Variants in BLNK observed in about 807,000 individuals in gnomAD.
The protein encoded by BLNK is B-cell linker protein.
In BLNK, 29 loss-of-function variants were observed where a neutral mutation model predicts 73.5. The observed-to-expected ratio is 0.39, with a 90% CI of 0.29 to 0.54. The LOEUF is 0.54. BLNK is among the 20% of genes least tolerant of loss of function. The pLI, the probability that BLNK is intolerant of heterozygous loss-of-function variation, is 0.61. For synonymous variants in BLNK, 176 were observed against 200.8 expected (o/e 0.88, Z 1.04); for missense variants, 460 against 562.8 (o/e 0.82, Z 1.85).
In BLNK at chr10:96,236,724, G is replaced by A. The variant is rs587727683; in HGVS notation, c.164-5890C>T. On this transcript the variant is annotated intron_variant, in intron 3 of 16. Coordinates refer to ENST00000224337, the MANE Select transcript of BLNK (RefSeq NM_013314.4). Reference sequence around the variant, plus strand: ...GCCTGTGGTCCCAGCTACTCAGGAGGCTGAAGCAGGAGGATCACTTGAGCC... The same window carrying A: ...GCCTGTGGTCCCAGCTACTCAGGAGACTGAAGCAGGAGGATCACTTGAGCC... Among the ~76,000 whole-genome samples the A allele has an allele frequency of 1.3e-4, 20 of 152,302 alleles. 2 individuals are homozygous for A. The highest frequency in any genetic ancestry group is 4.3e-4 in the African/African-American group (18 of 41,554).
intron 13 of BLNK, among the ~76,000 whole-genome samples, chr10:96,202,903 A>G (rs980587973): frequency 2.0e-5 from 3 of 152,182 alleles, no homozygotes; most frequent in African/African-American, 7.2e-5. Flanking sequence ...TATTATGCCC[A>G]TTTTATAGAA....
rs868928987 is a variant in BLNK, at chr10:96,256,519, G to C, written c.48-9470C>G. 4.6e-5 allele frequency among the ~76,000 whole-genome samples: 7 copies of C among 151,740 alleles called. No homozygotes were observed. The South Asian group carries it at 1.5e-3, about 32-fold the overall frequency. On this transcript the variant is annotated intron_variant, in intron 1 of 16. Transcript: ENST00000224337. ...TTCTTTTTAAGATGCTACTAATATA[G>C]TATATTTTATTTTTGTTACTAAATT...
At chr10:96,227,964 C>T (rs959728986) in intron 4 of BLNK, among the ~76,000 whole-genome samples, 5 of 151,824 alleles carry the variant, frequency 3.3e-5, no homozygotes, top group South Asian at 4.1e-4. Flanking sequence ...AGGTTTAATA[C>T]GAAGAGGGTG....
At chr10:96,219,188 A>G (rs1159524553) in intron 6 of BLNK, among the ~76,000 whole-genome samples, 3 of 152,188 alleles carry the variant, frequency 2.0e-5, no homozygotes, top group Non-Finnish European at 4.4e-5. Flanking sequence ...TGTTTCCAGT[A>G]CCTGGCCAGT....
At chr10:96,267,196 G>A (rs557770529) in intron 1 of BLNK, among the ~76,000 whole-genome samples, 41 of 152,318 alleles carry the variant, frequency 2.7e-4, no homozygotes, top group African/African-American at 9.6e-4. Context: ...AGCTGAGAGG[G>A]ACTTTGGGAA....
intron 1 of BLNK, among the ~76,000 whole-genome samples, chr10:96,250,129 A>G (rs1430065405): frequency 2.6e-5 from 4 of 152,124 alleles, no homozygotes; most frequent in Non-Finnish European, 4.4e-5. Flanking sequence ...GGGCACACTG[A>G]TGATACAAGT....
At chr10:96,219,867 G>C (rs1049513049) in intron 6 of BLNK, among the ~76,000 whole-genome samples, 2 of 152,214 alleles carry the variant, frequency 1.3e-5, no homozygotes, top group African/African-American at 4.8e-5. Flanking sequence ...CAAGCTGGAA[G>C]CTTGCATGGG....
chr10:96,216,613 T>C, intron 7 of BLNK, 40 bp downstream of exon 7: 1 of 1,561,600 alleles, frequency 6.4e-7, no homozygotes, highest in East Asian at 2.2e-5. Context: ...CCTGATCAAC[T>C]GCTAAAAATT....
chr10:96,232,461 C>T (rs1283584341), intron 3 of BLNK, among the ~76,000 whole-genome samples: 5 of 152,080 alleles, frequency 3.3e-5, no homozygotes, highest in Admixed American at 3.3e-4. Flanking sequence ...GAGAGTCAAA[C>T]ATTTGGGGTC....
At chr10:96,249,022 T>C (rs188356983) in intron 1 of BLNK, among the ~76,000 whole-genome samples, 1 of 152,248 alleles carries the variant, frequency 6.6e-6, no homozygotes, top group East Asian at 1.9e-4. Flanking sequence ...AAAAAATGTA[T>C]AATAAAATTT....
intron 1 of BLNK, 128 bp downstream of exon 1, chr10:96,271,224 C>T (rs1844256034): frequency 9.4e-7 from 1 of 1,067,032 alleles, no homozygotes; most frequent in Non-Finnish European, 1.4e-6. Flanking sequence ...AGTCCACTTC[C>T]CTATAGTAAG....
intron 1 of BLNK, among the ~76,000 whole-genome samples, chr10:96,256,302 A>G (rs906731675): frequency 4.6e-5 from 7 of 152,250 alleles, no homozygotes; most frequent in African/African-American, 1.7e-4. Flanking sequence ...TGGCATATAT[A>G]GAAACAAAAA....
At chr10:96,227,752 A>G (rs1323956478) in intron 4 of BLNK, among the ~76,000 whole-genome samples, 186 bp from the exon 5 acceptor site, 3 of 152,202 alleles carry the variant, frequency 2.0e-5, no homozygotes, top group African/African-American at 7.2e-5. Context: ...CTGCCTCCAA[A>G]GTTTATCGTC....
intron 15 of BLNK, chr10:96,199,637 C>G (rs1364991571): frequency 2.4e-6 from 1 of 413,880 alleles, no homozygotes; most frequent in Non-Finnish European, 4.9e-6. Context: ...ATCCTTGTAT[C>G]TACACTTGTT....
chr10:96,234,765 T>C (rs1842637109), intron 3 of BLNK, among the ~76,000 whole-genome samples: 1 of 152,174 alleles, frequency 6.6e-6, no homozygotes, highest in East Asian at 1.9e-4. Context: ...TACTCCCACG[T>C]CAATCACACA....
At chr10:96,254,648 T>C (rs1377383370) in intron 1 of BLNK, among the ~76,000 whole-genome samples, 1 of 152,114 alleles carries the variant, frequency 6.6e-6, no homozygotes, top group Non-Finnish European at 1.5e-5. Flanking sequence ...GTAGCTGGGA[T>C]TACAGGCGCC....
At chr10:96,201,156 C>T in intron 13 of BLNK, 98 bp from the exon 14 acceptor site, 1 of 1,087,468 alleles carries the variant, frequency 9.2e-7, no homozygotes, top group South Asian at 1.3e-5. Flanking sequence ...GCCAGGGACA[C>T]ATCCACCAAA....
intron 8 of BLNK, among the ~76,000 whole-genome samples, chr10:96,211,747 T>C (rs968540740): frequency 1.8e-4 from 28 of 152,252 alleles, no homozygotes; most frequent in African/African-American, 6.5e-4. Context: ...TTACATTTCA[T>C]GTGACAACAT....
At chr10:96,244,083 T>C (rs1842962307) in intron 2 of BLNK, among the ~76,000 whole-genome samples, 2 of 152,188 alleles carry the variant, frequency 1.3e-5, no homozygotes, top group African/African-American at 2.4e-5. Context: ...AATAACAATA[T>C]GTATATTTAC....
Sources: allele counts gnomAD v4.1 joint callset (sites outside exome capture counted in the v4.1 genomes callset), GRCh38; gene constraint gnomAD v4.1.1; transcripts MANE v1.5; gene names NCBI Gene and HGNC (gene_info 2026-07-23, HGNC 2026-07-21).